The following COLEC11 variants were observed in gnomAD, a reference collection of about 807,000 sequenced individuals.
The protein encoded by COLEC11 is collectin-11.
COLEC11 carries 20 observed loss-of-function variants against 27.3 expected under a neutral mutation model. The ratio of observed to expected loss-of-function variants is 0.73; its 90% CI spans 0.51 to 1.06. The LOEUF (loss-of-function observed/expected upper bound fraction) is 1.06. COLEC11 is among the 50% of genes least tolerant of loss of function. The probability of loss-of-function intolerance (pLI) is 0.00; values close to 1 mark genes in which losing one functional copy is unlikely to be tolerated. For missense variants in COLEC11, 310 were observed against 383.0 expected, an observed-to-expected ratio of 0.81 and a Z score of 1.59; for synonymous variants, 163 against 154.7, an observed-to-expected ratio of 1.05 and a Z score of -0.40.
chr2:3,601,691 T>G (rs1662236307), intron 1 of COLEC11, among the ~76,000 whole-genome samples: 1 of 152,158 alleles, frequency 6.6e-6, no homozygotes, highest in South Asian at 2.1e-4. Flanking sequence ...GAGGTAGGAT[T>G]TAAGTTCTGT....
intron 2 of COLEC11, chr2:3,605,139 T>C: frequency 1.1e-5 from 5 of 466,120 alleles, no homozygotes; most frequent in Non-Finnish European, 2.2e-5. Context: ...TCCCCAAGCC[T>C]GGGGGAGCCC....
chr2:3,643,992 C>T lies in COLEC11; in HGVS notation c.690C>T (p.Ser230=), dbSNP rs149123195. 5.3e-5 allele frequency: 86 copies of T among 1,614,008 alleles called. No individual in the cohort carries two copies. The African/African-American group carries it at 6.9e-4, about 13-fold the overall frequency. ...TGCGGACCTTCAACAAGTGGCGCAGCGGTGAGCCCAACAATGCCTACGACG... is the reference window on the plus strand; with the variant it reads ...TGCGGACCTTCAACAAGTGGCGCAGTGGTGAGCCCAACAATGCCTACGACG... The part of the protein sequence containing the change: ...SPMRTFNKWR[S]GEPNNAYDEE... Residue 230 remains serine, a synonymous_variant, in exon 7 of 7, where the codon AGC becomes AGT. Transcript: ENST00000349077.
chr2:3,601,747 G>A (rs1174371396), intron 1 of COLEC11, among the ~76,000 whole-genome samples: 1 of 152,162 alleles, frequency 6.6e-6, no homozygotes, highest in Admixed American at 6.5e-5. Context: ...CCAAGCCCTG[G>A]CTCCGCCCTA....
At chr2:3,641,415 A>G (rs1418668119) in intron 5 of COLEC11, 1 of 1,292,462 alleles carries the variant, frequency 7.7e-7, no homozygotes, top group East Asian at 5.6e-5. Context: ...AGCCTCTGGG[A>G]GACAGAAGGA....
chr2:3,632,602 G>A (rs1350868659), intron 3 of COLEC11, among the ~76,000 whole-genome samples: 1 of 152,222 alleles, frequency 6.6e-6, no homozygotes, highest in Non-Finnish European at 1.5e-5. Context: ...CCTGCTTCTA[G>A]TAGGACTCAC....
At chr2:3,613,883 A>C (rs528436539) in intron 3 of COLEC11, among the ~76,000 whole-genome samples, 2 of 152,292 alleles carry the variant, frequency 1.3e-5, no homozygotes, top group African/African-American at 2.4e-5. Flanking sequence ...TGCACAGTGC[A>C]TGGCAGGGGT....
rs956894426 is a variant in COLEC11, at chr2:3,602,156, C to T, written c.-26-2159C>T. The T allele has an allele frequency of 4.6e-5, 7 of 152,230 alleles. No homozygotes were observed. Among genetic ancestry groups the T allele is most frequent in the African/African-American group, 1.7e-4 (7 of 41,428 alleles). 9.4% of individuals were successfully genotyped at this position (152,230 alleles called of 1,614,324 possible). A position where few individuals can be genotyped will look rare whatever the true frequency, so the allele number is the denominator to read the frequency against. On this transcript the variant is annotated intron_variant, in intron 1 of 6. Transcript: ENST00000349077. This position sits in a 1 kb window ranked among gnomAD's most constrained non-coding sequence, Gnocchi z 6.2. ...GGGGCTGTTGATGTGGGAAGCCCCC[C>T]ACCACAGATGGCCTTTCTCTAGCAG...
At chr2:3,612,967 C>A (rs576775862) in intron 2 of COLEC11, among the ~76,000 whole-genome samples, 58 of 146,696 alleles carry the variant, frequency 4.0e-4, no homozygotes, top group African/African-American at 1.6e-3. Context: ...GAGACGCTGC[C>A]GCCCTTCTCA....
Position 3,602,715 on chromosome 2 carries a change from C to T in COLEC11, c.-26-1600C>T, listed in dbSNP as rs1400183966. ...AGCAACCCCCAAAGCTGCTGGGCGC[C>T]GGCTCCTGTCTCCTGTCCTCTGTGC... On this transcript the variant is annotated intron_variant, in intron 1 of 6. Coordinates refer to ENST00000349077, the MANE Select transcript of COLEC11 (RefSeq NM_024027.5). The surrounding 1 kb of genome is among the most constrained non-coding windows in gnomAD (Gnocchi z 6.2). Among the ~76,000 whole-genome samples, 11 of 152,218 alleles carry T rather than the reference C, an allele frequency of 7.2e-5. No homozygotes were observed. Among genetic ancestry groups the T allele is most frequent in the Admixed American group, 2.0e-4 (3 of 15,290 alleles).
intron 2 of COLEC11, among the ~76,000 whole-genome samples, chr2:3,611,987 C>A (rs557388535): frequency 1.4e-5 from 2 of 146,044 alleles, no homozygotes; most frequent in African/African-American, 5.3e-5. Context: ...TATGCTCTCT[C>A]TATATATAGG....
In COLEC11 at chr2:3,613,318, G is replaced by A. The variant is rs775785325; in HGVS notation, c.138G>A (p.Ala46=). 5.0e-6 allele frequency: 8 copies of A among 1,609,990 alleles called. No individual in the cohort carries two copies. The highest frequency in any genetic ancestry group is 1.1e-5 in the South Asian group (1 of 90,056). Reference sequence around the variant, plus strand: ...ATGTGACTTCTTCCACAGGGGATGCGGGAGAGAAGGGAGACAAAGGCGCCC... The same window carrying A: ...ATGTGACTTCTTCCACAGGGGATGCAGGAGAGAAGGGAGACAAAGGCGCCC... The part of the protein sequence containing the change: ...QILVPGLKGD[A]GEKGDKGAPG... The change falls in exon 3 of 7, where the codon GCG becomes GCA. Residue 46 remains alanine, a synonymous_variant. Coordinates refer to ENST00000349077, the MANE Select transcript of COLEC11 (RefSeq NM_024027.5).
chr2:3,631,410 A>G (rs377131677), intron 3 of COLEC11, among the ~76,000 whole-genome samples: 76 of 152,264 alleles, frequency 5.0e-4, no homozygotes, highest in African/African-American at 1.7e-3. Flanking sequence ...GCCTACTATC[A>G]GGGTGTTTAG....
At chr2:3,639,852 C>T (rs1404006735) in intron 4 of COLEC11, among the ~76,000 whole-genome samples, 1 of 151,842 alleles carries the variant, frequency 6.6e-6, no homozygotes, top group African/African-American at 2.4e-5. Flanking sequence ...AGGAGTGCAC[C>T]GACTCTTGGA....
chr2:3,641,490 G>A (rs530438282), intron 5 of COLEC11: 5 of 1,175,248 alleles, frequency 4.3e-6, no homozygotes, highest in Middle Eastern at 3.8e-4. Context: ...AGCTGCTATC[G>A]TCAGGCCTAG....
chr2:3,613,339 C>T lies in COLEC11; in HGVS notation c.159C>T (p.Gly53=), dbSNP rs1390156836. Residue 53 remains glycine (G), a synonymous_variant, in exon 3 of 7, where the codon GGC becomes GGT. Transcript: ENST00000349077. ...ATGCGGGAGAGAAGGGAGACAAAGG[C>T]GCCCCCGGACGGCCTGGAAGAGTCG... is the stretch of plus-strand genomic sequence containing the variant. ...KGDAGEKGDK[G]APGRPGRVGP... The T allele has an allele frequency of 4.3e-6, 7 of 1,609,948 alleles. No individual in the cohort carries two copies. In the African/African-American group the frequency reaches 5.3e-5, roughly 12 times the overall value.
intron 3 of COLEC11, among the ~76,000 whole-genome samples, chr2:3,623,954 T>C (rs1394425771): frequency 1.3e-5 from 2 of 152,216 alleles, no homozygotes; most frequent in African/African-American, 4.8e-5. Context: ...TTATGGACTT[T>C]TTTTGGGAGA....
At chr2:3,595,725 G>A (rs1036774531) in intron 1 of COLEC11, among the ~76,000 whole-genome samples, 1 of 152,276 alleles carries the variant, frequency 6.6e-6, no homozygotes, top group East Asian at 1.9e-4. Context: ...AACCAAGTGG[G>A]GTCATCTTGT....
intron 3 of COLEC11, among the ~76,000 whole-genome samples, chr2:3,618,790 TATTA>T (rs149132201): frequency 0.024 from 3,636 of 152,308 alleles, 150 homozygotes; most frequent in African/African-American, 0.081. Context: ...CATTTTGAAA[TATTA>T]ATTCTTTTGA....
At position 3,612,254 on chromosome 2, in the gene COLEC11, G is replaced by A. The variant is rs1014557142; in HGVS notation, c.131-1057G>A. 2.7e-4 allele frequency among the ~76,000 whole-genome samples: 41 copies of A among 151,102 alleles called. 1 individual carries two copies. Among genetic ancestry groups the A allele is most frequent in the East Asian group, 9.7e-4 (5 of 5,136 alleles). Reference sequence around the variant, plus strand: ...CATGCACCCACGCACCCACGCACACGCATGCACACATGCACACACATGCAC... The same window carrying A: ...CATGCACCCACGCACCCACGCACACACATGCACACATGCACACACATGCAC... On this transcript the variant is annotated intron_variant, in intron 2 of 6. Coordinates refer to ENST00000349077, the MANE Select transcript of COLEC11 (RefSeq NM_024027.5).
Sources: allele counts gnomAD v4.1 joint callset (sites outside exome capture counted in the v4.1 genomes callset), GRCh38; gene constraint gnomAD v4.1.1; non-coding constraint Gnocchi (gnomAD v3.1); transcripts MANE v1.5; gene names NCBI Gene and HGNC (gene_info 2026-07-23, HGNC 2026-07-21).